The following DOCK11 variants were observed in gnomAD, a reference collection of about 807,000 sequenced individuals.
DOCK11 encodes the protein dedicator of cytokinesis 11.
In DOCK11, 70 loss-of-function variants were observed where a neutral mutation model predicts 169.1. That is an observed-to-expected ratio of 0.41 (90% confidence interval 0.34 to 0.51). The LOEUF (loss-of-function observed/expected upper bound fraction) is 0.51, where lower values mean the gene tolerates loss of function less well. Among genes scored for constraint, DOCK11 ranks in the 20% least tolerant of loss-of-function variants. The pLI is 0.10. For missense variants in DOCK11, 1,166 were observed against 1,538.8 expected, an observed-to-expected ratio of 0.76 and a Z score of 4.05; for synonymous variants, 529 against 541.3, an observed-to-expected ratio of 0.98 and a Z score of 0.32.
At chrX:118,674,121 G>C (rs1326200886) in intron 46 of DOCK11, among the ~76,000 whole-genome samples, 1 of 111,603 alleles carries the variant, frequency 9.0e-6, no homozygotes, top group Non-Finnish European at 1.9e-5. Context: ...TATTATATGT[G>C]ACCTTTTATG....
In DOCK11 at chrX:118,637,755, C is replaced by T. The variant is rs73587392; in HGVS notation, c.3954-325C>T. Among the ~76,000 whole-genome samples, 1,007 of 111,026 alleles carry T rather than the reference C, an allele frequency of 9.1e-3. 19 individuals carry two copies. Among genetic ancestry groups the T allele is most frequent in the African/African-American group, 0.031 (959 of 30,527 alleles). ...TCCAGCATGGGTGACAGAGCGAGGT[C>T]CTGTGTCAAAAATAAAAAATGACTG... On this transcript the variant is annotated intron_variant, in intron 36 of 52. Coordinates refer to ENST00000276202, the MANE Select transcript of DOCK11 (RefSeq NM_144658.4).
Position 118,573,999 on chromosome X carries a change from A to G in DOCK11, c.1370A>G (p.Gln457Arg). 8.3e-7 allele frequency: 1 copy of G among 1,211,427 alleles called. No individual in the cohort carries two copies. The highest frequency in any genetic ancestry group is 1.1e-6 in the Non-Finnish European group (1 of 895,037). The change falls in exon 12 of 53, where the codon CAG (glutamine) becomes CGG (arginine). Residue 457 changes from glutamine to arginine, a missense_variant. Transcript: ENST00000276202. ...ESYIHGIAESQLRYIQQGIFS... is the reference protein window; with the variant it reads ...ESYIHGIAESRLRYIQQGIFS... ...TACATTCATGGAATTGCCGAATCTCAGTTACGCTACATACAACAGGTAACG... is the reference window on the plus strand; with the variant it reads ...TACATTCATGGAATTGCCGAATCTCGGTTACGCTACATACAACAGGTAACG...
At chrX:118,636,858 C>CACACACAT (rs2015403313) in intron 36 of DOCK11, among the ~76,000 whole-genome samples, 2 of 111,765 alleles carry the variant, frequency 1.8e-5, no homozygotes, top group African/African-American at 6.5e-5. Flanking sequence ...CACACACACA[C>CACACACAT]ACACACGTGT....
chrX:118,639,541 C>G lies in DOCK11; in HGVS notation c.4108C>G (p.Leu1370Val). Residue 1370 changes from leucine (L) to valine (V), a missense_variant, in exon 38 of 53, where the codon CTT becomes GTT. Physicochemically the swap from Leu to Val is conservative, Grantham distance 32. Coordinates refer to ENST00000276202, the MANE Select transcript of DOCK11 (RefSeq NM_144658.4). ...AGTAATGCAGGCCCGGCTTCAGCAT[C>G]TTAGTAGCCTAGAAAGTTCATTTAC... ...SGVMQARLQH[L>V]SSLESSFTLN... The G allele has an allele frequency of 3.3e-6, 4 of 1,210,586 alleles. No individual in the cohort carries two copies. The highest frequency in any genetic ancestry group is 2.2e-6 in the Non-Finnish European group (2 of 894,779).
intron 40 of DOCK11, among the ~76,000 whole-genome samples, chrX:118,648,519 AATAT>A (rs1190126173): frequency 4.5e-5 from 4 of 89,851 alleles, no homozygotes; most frequent in African/African-American, 1.3e-4. Flanking sequence ...ATTAATATGT[AATAT>A]ATATATATTT....
intron 1 of DOCK11, among the ~76,000 whole-genome samples, chrX:118,503,663 G>T (rs1275384041): frequency 9.0e-6 from 1 of 111,577 alleles, no homozygotes; most frequent in Non-Finnish European, 1.9e-5. Flanking sequence ...AGCATATAAG[G>T]TTGTCTTTTG....
intron 1 of DOCK11, among the ~76,000 whole-genome samples, chrX:118,532,914 G>A (rs1235592956): frequency 9.1e-6 from 1 of 109,400 alleles, no homozygotes; most frequent in African/African-American, 3.3e-5. Context: ...AAGATAAAGA[G>A]GTAAACTGAA....
rs1377681097 is a variant in DOCK11, at chrX:118,590,358, C to T, written c.2139+56C>T. On this transcript the variant is annotated intron_variant, in intron 19 of 52. Coordinates refer to ENST00000276202, the MANE Select transcript of DOCK11 (RefSeq NM_144658.4). ...ACACAGTGGTTGGAATTCTTTTTCT[C>T]TTTGAATCATTTTCATCATTTTACC... 3.1e-6 allele frequency: 3 copies of T among 962,042 alleles called. No individual in the cohort carries two copies. In the East Asian group the frequency reaches 9.3e-5, roughly 30 times the overall value. The allele number at this position is 962,042 out of a possible 1,213,427, so 79.3% of individuals were successfully genotyped here. A position where few individuals can be genotyped will look rare whatever the true frequency, so the allele number is the denominator to read the frequency against.
chrX:118,678,489 TTTA>T, intron 48 of DOCK11, among the ~76,000 whole-genome samples: 1 of 111,546 alleles, frequency 9.0e-6, no homozygotes, highest in Non-Finnish European at 1.9e-5. Context: ...TTTATTTTTT[TTTA>T]GACAGAGTCT....
At chrX:118,679,918 A>ATTTTTTT (rs55756738) in intron 48 of DOCK11, among the ~76,000 whole-genome samples, 23 of 55,429 alleles carry the variant, frequency 4.1e-4, no homozygotes, top group African/African-American at 1.8e-3. Context: ...GATTACAGTA[A>ATTTTTTT]TTTTTTTTTT....
intron 30 of DOCK11, among the ~76,000 whole-genome samples, chrX:118,616,859 T>C (rs1018980137): frequency 7.2e-5 from 8 of 111,683 alleles, no homozygotes; most frequent in African/African-American, 2.6e-4. Flanking sequence ...GATGGAATTA[T>C]AGCCAGTGAA....
At chrX:118,628,744 G>A (rs911071924) in intron 34 of DOCK11, among the ~76,000 whole-genome samples, 3 of 112,472 alleles carry the variant, frequency 2.7e-5, no homozygotes, top group South Asian at 3.6e-4. Context: ...CTATCAAGTC[G>A]TTTCACGCCT....
At chrX:118,665,592 C>G (rs1375739225) in intron 45 of DOCK11, among the ~76,000 whole-genome samples, 1 of 112,203 alleles carries the variant, frequency 8.9e-6, no homozygotes, top group Non-Finnish European at 1.9e-5. Flanking sequence ...TCTGTATAAA[C>G]ACATTTGTTG....
intron 36 of DOCK11, among the ~76,000 whole-genome samples, chrX:118,636,794 A>G (rs2015398654): frequency 9.2e-6 from 1 of 109,236 alleles, no homozygotes. Context: ...GAGTAATTCT[A>G]CCCACTGCAG....
At chrX:118,610,804 C>T (rs1227493752) in intron 28 of DOCK11, among the ~76,000 whole-genome samples, 2 of 111,422 alleles carry the variant, frequency 1.8e-5, no homozygotes, top group South Asian at 3.8e-4. Context: ...TTTGGGAGGC[C>T]GAGGTGGGCG....
intron 6 of DOCK11, among the ~76,000 whole-genome samples, chrX:118,559,409 AT>A (rs1273443281): frequency 9.0e-6 from 1 of 111,387 alleles, no homozygotes; most frequent in African/African-American, 3.3e-5. Context: ...TTTTCATATT[AT>A]TTTTTTCATG....
At chrX:118,545,503 C>T (rs1603049329) in intron 5 of DOCK11, 111 bp downstream of exon 5, 4 of 577,178 alleles carry the variant, frequency 6.9e-6, no homozygotes, top group Non-Finnish European at 1.0e-5. Flanking sequence ...AATAATTATT[C>T]TGGAATGATC....
At chrX:118,610,493 C>T in intron 28 of DOCK11, 75 bp downstream of exon 28, 2 of 1,096,474 alleles carry the variant, frequency 1.8e-6, no homozygotes, top group Non-Finnish European at 2.5e-6. Context: ...AAATTAAGCA[C>T]TTTCTAGAGG....
intron 15 of DOCK11, 40 bp downstream of exon 15, chrX:118,584,897 A>G: frequency 8.6e-7 from 1 of 1,166,373 alleles, no homozygotes. Flanking sequence ...AATATAATAG[A>G]TGAATCCTCA....
Sources: gnomAD v4.1 joint callset for allele counts (sites outside exome capture counted in the v4.1 genomes callset) on GRCh38, gnomAD v4.1.1 for gene constraint, MANE v1.5 for transcripts, NCBI Gene and HGNC (gene_info 2026-07-23, HGNC 2026-07-21) for gene names.